The following PADI1 variants were observed in gnomAD, a reference collection of about 807,000 sequenced individuals.
PADI1 encodes peptidyl arginine deiminase 1.
Under a neutral mutation model 74.8 loss-of-function variants are expected in PADI1, and 65 were observed. That is an observed-to-expected ratio of 0.87 (90% CI 0.71 to 1.07). The LOEUF (loss-of-function observed/expected upper bound fraction) is 1.07, where lower values mean the gene tolerates loss of function less well. Among genes scored for constraint, PADI1 ranks in the 50% least tolerant of loss-of-function variants. The pLI is 0.00. For missense variants in PADI1, 943 were observed against 854.0 expected, an observed-to-expected ratio of 1.10 and a Z score of -1.30; for synonymous variants, 371 against 336.2, an observed-to-expected ratio of 1.10 and a Z score of -1.13.
At chr1:17,217,177 C>T (rs1472432438) in intron 1 of PADI1, among the ~76,000 whole-genome samples, 1 of 152,128 alleles carries the variant, frequency 6.6e-6, no homozygotes, top group African/African-American at 2.4e-5. Context: ...TCCAATTACA[C>T]ATTTCAGAAC....
At position 17,228,884 on chromosome 1, in the gene PADI1, T is replaced by TG. The variant is rs966644256; in HGVS notation, c.826-57dup. 106 of 1,520,358 alleles carry TG rather than the reference T, an allele frequency of 7.0e-5. 1 individual carries two copies. In the South Asian group the frequency reaches 7.1e-4, roughly 10 times the overall value. The allele number at this position is 1,520,358 out of a possible 1,614,324, so 94.2% of individuals were successfully genotyped here. A position where few individuals can be genotyped will look rare whatever the true frequency, so the allele number is the denominator to read the frequency against. ...CTCCAGGGCTGGGCAGGCTGGGGGCTGGGGGGGCTTGAGGCAGGCTAGGGG... is the reference window on the plus strand; with the variant it reads ...CTCCAGGGCTGGGCAGGCTGGGGGCTGGGGGGGGCTTGAGGCAGGCTAGGGG... On this transcript the variant is annotated intron_variant, in intron 7 of 15. Coordinates refer to ENST00000375471, the MANE Select transcript of PADI1 (RefSeq NM_013358.3).
chr1:17,225,772 T>C (rs962302918), intron 4 of PADI1, 39 bp from the exon 5 acceptor site: 2 of 1,510,202 alleles, frequency 1.3e-6, no homozygotes, highest in African/African-American at 1.4e-5. Flanking sequence ...TGGAGCCTCC[T>C]GGGTCCCACT....
Position 17,205,139 on chromosome 1 carries a change from T to A in PADI1, c.-79T>A, listed in dbSNP as rs1455550023. On this transcript the variant is annotated 5_prime_UTR_variant, in exon 1 of 16. Coordinates refer to ENST00000375471, the MANE Select transcript of PADI1 (RefSeq NM_013358.3). ...GGCACCAGTCCATCAGAACTCACAC[T>A]TCTTCCTGGCAAAGAAGTGCCCAGG... 1.7e-5 allele frequency: 20 copies of A among 1,167,562 alleles called. No homozygotes were observed. In the East Asian group the frequency reaches 4.2e-4, roughly 24 times the overall value. 72.3% of individuals were successfully genotyped at this position (1,167,562 alleles called of 1,614,324 possible).
At position 17,230,172 on chromosome 1, in the gene PADI1, C is replaced by T; in HGVS notation, c.1017C>T (p.Cys339=). 3 of 1,614,152 alleles carry T rather than the reference C, an allele frequency of 1.9e-6. No homozygotes were observed. Among genetic ancestry groups the T allele is most frequent in the South Asian group, 1.1e-5 (1 of 91,078 alleles). The change falls in exon 9 of 16, where the codon TGC becomes TGT. Residue 339 remains cysteine (C), a synonymous_variant. Transcript: ENST00000375471. ...AAGCCAACTGCAAGCTGACCATCTG[C>T]CCTCAAGTTGAAAATCGAAATGACC... ...TLKANCKLTI[C]PQVENRNDRW...
Position 17,228,096 on chromosome 1 carries a change from T to C in PADI1, c.653-529T>C, listed in dbSNP as rs543120273. ...GCCTTGAACTCCCGGGCTCAAGCGA[T>C]ACTCCCACCTCAGCCTCCCGAGTAG... On this transcript the variant is annotated intron_variant, in intron 6 of 15. Transcript: ENST00000375471. 1.7e-4 allele frequency among the ~76,000 whole-genome samples: 26 copies of C among 152,248 alleles called. No individual in the cohort carries two copies. In the South Asian group the frequency reaches 5.2e-3, roughly 30 times the overall value.
intron 11 of PADI1, among the ~76,000 whole-genome samples, chr1:17,237,090 C>G (rs1016691078): frequency 6.6e-6 from 1 of 152,234 alleles, no homozygotes; most frequent in Non-Finnish European, 1.5e-5. Flanking sequence ...TTAAACAAGA[C>G]ACTTACTGCG....
rs776009407 is a variant in PADI1 at position 17,244,099 on chromosome 1, G to T, written c.1848G>T (p.Val616=). The change falls in exon 16 of 16, where the codon GTG becomes GTT. Residue 616 remains valine, a synonymous_variant. Transcript: ENST00000375471. Reference sequence around the variant, plus strand: ...GCCGCTGCTGCCTGGAGGAGAAGGTGCAGTCCCTGCTGGAGCCTCTGGGCC... The same window carrying T: ...GCCGCTGCTGCCTGGAGGAGAAGGTTCAGTCCCTGCTGGAGCCTCTGGGCC... ...INGRCCLEEK[V]QSLLEPLGLH... is the part of the protein sequence containing the mutation. 152 of 1,614,244 alleles carry T rather than the reference G, an allele frequency of 9.4e-5. No homozygotes were observed. The South Asian group carries it at 1.4e-3, about 15-fold the overall frequency.
intron 1 of PADI1, among the ~76,000 whole-genome samples, chr1:17,207,343 G>A (rs1052162364): frequency 6.6e-6 from 1 of 152,242 alleles, no homozygotes; most frequent in African/African-American, 2.4e-5. Flanking sequence ...AGACCCTGGA[G>A]TTGAACACAC....
intron 1 of PADI1, among the ~76,000 whole-genome samples, chr1:17,211,080 G>A (rs1012594434): frequency 6.6e-6 from 1 of 152,228 alleles, no homozygotes; most frequent in Non-Finnish European, 1.5e-5. Context: ...GGAGAGTGAA[G>A]GGAGGTGCCA....
chr1:17,226,228 CTCTT>C, intron 6 of PADI1, 70 bp downstream of exon 6: 1 of 1,540,896 alleles, frequency 6.5e-7, no homozygotes, highest in East Asian at 2.3e-5. Context: ...CCATCTCTCT[CTCTT>C]TTTTTCCATC....
At position 17,230,209 on chromosome 1, in the gene PADI1, G is replaced by C. The variant is rs754604791; in HGVS notation, c.1053+1G>C. The C allele has an allele frequency of 4.3e-6, 7 of 1,613,324 alleles. No individual in the cohort carries two copies. The South Asian group carries it at 7.7e-5, about 18-fold the overall frequency. On this transcript the variant is annotated splice_donor_variant, in intron 9 of 15. Transcript: ENST00000375471. LOFTEE classifies it high-confidence loss of function. Reference sequence around the variant, plus strand: ...AAATCGAAATGACCGCTGGATCCAGGTGGGAGCTGGGGGCAGCTCGGGAAG... The same window carrying C: ...AAATCGAAATGACCGCTGGATCCAGCTGGGAGCTGGGGGCAGCTCGGGAAG...
chr1:17,225,758 T>C, intron 4 of PADI1, 53 bp from the exon 5 acceptor site: 1 of 1,367,542 alleles, frequency 7.3e-7, no homozygotes, highest in South Asian at 1.2e-5. Context: ...CTAGAACCCC[T>C]TCCTGGAGCC....
chr1:17,205,446 G>A (rs1569722962), intron 1 of PADI1, 137 bp downstream of exon 1: 1 of 721,110 alleles, frequency 1.4e-6, no homozygotes, highest in Non-Finnish European at 2.4e-6. Context: ...GGAGTTGGCT[G>A]TGGAGTCTGG....
In PADI1 at chr1:17,227,967, G is replaced by A. The variant is rs115734553; in HGVS notation, c.653-658G>A. Among the ~76,000 whole-genome samples, 244 of 152,326 alleles carry A rather than the reference G, an allele frequency of 1.6e-3. 1 individual carries two copies. Among genetic ancestry groups the A allele is most frequent in the African/African-American group, 5.6e-3 (233 of 41,566 alleles). ...ATAATGTCTTCAAGGTTCATCCATGGTGTAGCATGAATCAGTGCTTCATTA... is the reference window on the plus strand; with the variant it reads ...ATAATGTCTTCAAGGTTCATCCATGATGTAGCATGAATCAGTGCTTCATTA... On this transcript the variant is annotated intron_variant, in intron 6 of 15. Transcript: ENST00000375471.
intron 9 of PADI1, 43 bp from the exon 10 acceptor site, chr1:17,230,529 C>T (rs2072459767): frequency 2.1e-6 from 3 of 1,402,480 alleles, no homozygotes; most frequent in East Asian, 2.3e-5. Flanking sequence ...CTGTAAACCA[C>T]CCGAAAAAGG....
chr1:17,225,522 T>G (rs978234134), intron 4 of PADI1, among the ~76,000 whole-genome samples: 1 of 151,376 alleles, frequency 6.6e-6, no homozygotes, highest in Non-Finnish European at 1.5e-5. Context: ...CTTAGCCAGC[T>G]TTTGAGGGCC....
intron 1 of PADI1, among the ~76,000 whole-genome samples, chr1:17,218,063 C>T: frequency 6.6e-6 from 1 of 152,092 alleles, no homozygotes; most frequent in East Asian, 1.9e-4. Context: ...AAATATCAAC[C>T]AACGTTTACG....
intron 1 of PADI1, among the ~76,000 whole-genome samples, chr1:17,208,626 C>T (rs1343599944): frequency 1.3e-5 from 2 of 150,606 alleles, no homozygotes; most frequent in Non-Finnish European, 3.0e-5. Context: ...GCTCACCATC[C>T]TGATGACCCA....
chr1:17,237,425 GTTTC>G lies in PADI1; in HGVS notation c.1427_1430del (p.Phe476Ter). On this transcript the variant is annotated frameshift_variant, in exon 12 of 16. Coordinates refer to ENST00000375471, the MANE Select transcript of PADI1 (RefSeq NM_013358.3). LOFTEE classifies it high-confidence loss of function. ...GGCTCTCTGTGGGCCATGTGGACGA[GTTTC>G]TGACCTTTGTGCCTACCTCTGACCA... 1 of 1,613,432 alleles carries G rather than the reference GTTTC, an allele frequency of 6.2e-7. No homozygotes were observed. Among genetic ancestry groups the G allele is most frequent in the Non-Finnish European group, 8.5e-7 (1 of 1,179,646 alleles).
Sources: allele counts gnomAD v4.1 joint callset (sites outside exome capture counted in the v4.1 genomes callset), GRCh38; gene constraint gnomAD v4.1.1; transcripts MANE v1.5; gene names NCBI Gene and HGNC (gene_info 2026-07-23, HGNC 2026-07-21).